Variants in SFI1 observed in about 807,000 individuals in gnomAD.
SFI1 encodes protein SFI1 homolog.
SFI1 carries 195 observed loss-of-function variants against 207.5 expected under a neutral mutation model. The ratio of observed to expected loss-of-function variants is 0.94; its 90% CI spans 0.84 to 1.06. SFI1 has a LOEUF of 1.06. SFI1 is among the 50% of genes least tolerant of loss of function. SFI1 has a pLI of 0.00. For missense variants in SFI1, 1,634 were observed against 1,588.0 expected, an observed-to-expected ratio of 1.03 and a Z score of -0.49; for synonymous variants, 630 against 598.9, an observed-to-expected ratio of 1.05 and a Z score of -0.76.
chr22:31,534,942 C>T (rs539273620), intron 4 of SFI1, among the ~76,000 whole-genome samples: 1 of 150,760 alleles, frequency 6.6e-6, no homozygotes, highest in African/African-American at 2.4e-5. Context: ...GCCATGATCT[C>T]AGCTCAGTGC....
rs1569272988 is a variant in SFI1 at position 31,546,840 on chromosome 22, AT to A, written c.339-20del. On this transcript the variant is annotated intron_variant, in intron 4 of 32. Transcript: ENST00000400288. ...AGCTCCAACATCATCATATATATAT[AT>A]GATTTTTTTTTTGCCGTAGATTTTA... 1 of 1,455,064 alleles carries A rather than the reference AT, an allele frequency of 6.9e-7. No homozygotes were observed. The highest frequency in any genetic ancestry group is 9.5e-7 in the Non-Finnish European group (1 of 1,048,888). 90.1% of individuals were successfully genotyped at this position (1,455,064 alleles called of 1,614,324 possible). A position where few individuals can be genotyped will look rare whatever the true frequency, so the allele number is the denominator to read the frequency against.
chr22:31,514,349 C>CA (rs979691651), intron 2 of SFI1, among the ~76,000 whole-genome samples: 13 of 148,550 alleles, frequency 8.8e-5, no homozygotes, highest in African/African-American at 2.2e-4. Context: ...ACTAAAAATA[C>CA]AAAAAAAAAT....
intron 2 of SFI1, among the ~76,000 whole-genome samples, chr22:31,524,457 C>CT (rs1322483818): frequency 6.6e-6 from 1 of 151,706 alleles, no homozygotes; most frequent in African/African-American, 2.4e-5. Flanking sequence ...GGGTCTCACT[C>CT]TGTCACCCAG....
chr22:31,528,960 T>A, intron 3 of SFI1, 97 bp downstream of exon 3: 1 of 1,213,318 alleles, frequency 8.2e-7, no homozygotes, highest in Non-Finnish European at 1.2e-6. Context: ...CCACCGCAAT[T>A]AGTGGGAGAT....
intron 15 of SFI1, among the ~76,000 whole-genome samples, chr22:31,601,912 C>T (rs2068161728): frequency 6.6e-6 from 1 of 151,570 alleles, no homozygotes; most frequent in African/African-American, 2.4e-5. Flanking sequence ...CCCACCTCAG[C>T]CTCCCAGGTA....
In SFI1 at chr22:31,546,554, T is replaced by C. The variant is rs372816764; in HGVS notation, c.339-307T>C. Among the ~76,000 whole-genome samples the C allele has an allele frequency of 1.1e-4, 16 of 152,038 alleles. 1 individual carries two copies. In the East Asian group the frequency reaches 2.1e-3, roughly 20 times the overall value. ...CCATGTTGGCCAGGATCTCTTGACC[T>C]TGTGATCCACCCGCCTTGGCCTCCC... On this transcript the variant is annotated intron_variant, in intron 4 of 32. Coordinates refer to ENST00000400288, the MANE Select transcript of SFI1 (RefSeq NM_001007467.3).
At chr22:31,584,206 G>T (rs1027724137) in intron 13 of SFI1, among the ~76,000 whole-genome samples, 1 of 152,168 alleles carries the variant, frequency 6.6e-6, no homozygotes, top group African/African-American at 2.4e-5. Context: ...TCTGAAGTAT[G>T]TGCCTGGTCG....
At chr22:31,538,312 T>G (rs2059183345) in intron 4 of SFI1, 1 of 151,498 alleles carries the variant, frequency 6.6e-6, no homozygotes, top group Non-Finnish European at 1.5e-5. Flanking sequence ...TATTTTTCTC[T>G]GGAGAATAAT....
chr22:31,613,794 G>A lies in SFI1; in HGVS notation c.2935G>A (p.Ala979Thr). 2 of 1,611,996 alleles carry A rather than the reference G, an allele frequency of 1.2e-6. No homozygotes were observed. Among genetic ancestry groups the A allele is most frequent in the Non-Finnish European group, 1.7e-6 (2 of 1,179,584 alleles). The change falls in exon 27 of 33, where the codon GCT becomes ACT. Residue 979 changes from alanine to threonine, a missense_variant. Coordinates refer to ENST00000400288, the MANE Select transcript of SFI1 (RefSeq NM_001007467.3). ...DGTLETKRPQ[A>T]SRPLGALGRL... ...CACCCTTGAGACCAAGAGGCCACAGGCTTCTCGGCCTCTGGGAGCTCTGGG... is the reference window on the plus strand; with the variant it reads ...CACCCTTGAGACCAAGAGGCCACAGACTTCTCGGCCTCTGGGAGCTCTGGG...
intron 1 of SFI1, among the ~76,000 whole-genome samples, chr22:31,498,303 A>AT (rs1430016343): frequency 2.7e-5 from 4 of 150,614 alleles, no homozygotes; most frequent in Admixed American, 6.6e-5. Context: ...ATATCAAAAA[A>AT]ATATATATAT....
chr22:31,556,882 A>G, intron 6 of SFI1, 60 bp from the exon 7 acceptor site: 1 of 1,175,072 alleles, frequency 8.5e-7, no homozygotes, highest in Non-Finnish European at 1.2e-6. Flanking sequence ...AGCTTTTATC[A>G]TAACCCAGAG....
rs1320204329 is a variant in SFI1, at chr22:31,550,284, G to C, written c.480G>C (p.Thr160=). The change falls in exon 6 of 33, where the codon ACG becomes ACC. Residue 160 remains threonine, a synonymous_variant. Transcript: ENST00000400288. ...RYYLYNLMFQ[T]WKTYVRQQQE... is the part of the protein sequence containing the mutation. ...ACCTGTACAACCTGATGTTCCAGAC[G>C]TGGAAGACCTATGTGCGTCAGCAGC... 1 of 1,614,104 alleles carries C rather than the reference G, an allele frequency of 6.2e-7. No individual in the cohort carries two copies. The highest frequency in any genetic ancestry group is 1.6e-4 in the Middle Eastern group (1 of 6,062).
At chr22:31,569,424 A>G (rs1204610138) in intron 8 of SFI1, among the ~76,000 whole-genome samples, 1 of 152,194 alleles carries the variant, frequency 6.6e-6, no homozygotes, top group Non-Finnish European at 1.5e-5. Flanking sequence ...CAAATCTCTC[A>G]GTTTATAGGA....
In SFI1 at chr22:31,518,231, G is replaced by T. The variant is rs944156992; in HGVS notation, c.92+9855G>T. Among the ~76,000 whole-genome samples the T allele has an allele frequency of 6.6e-5, 10 of 152,238 alleles. No individual in the cohort carries two copies. In the Middle Eastern group the frequency reaches 0.01, roughly 155 times the overall value. Reference sequence around the variant, plus strand: ...TCTTGAACTCCTGTCCTCAGTCAAGGTGATCTGCCCGCCTTGGCCTTCCAA... The same window carrying T: ...TCTTGAACTCCTGTCCTCAGTCAAGTTGATCTGCCCGCCTTGGCCTTCCAA... On this transcript the variant is annotated intron_variant, in intron 2 of 32. Transcript: ENST00000400288.
intron 15 of SFI1, among the ~76,000 whole-genome samples, chr22:31,591,661 C>A (rs1351856136): frequency 1.0e-5 from 1 of 96,986 alleles, no homozygotes; most frequent in Admixed American, 9.1e-5. Flanking sequence ...AACCCCCCAC[C>A]TCCCTCCCGG....
chr22:31,547,611 T>A (rs1186523249), intron 5 of SFI1, among the ~76,000 whole-genome samples: 1 of 146,300 alleles, frequency 6.8e-6, no homozygotes, highest in African/African-American at 2.6e-5. Context: ...GCGCCAGGCC[T>A]GTTTTTTTTG....
At chr22:31,584,049 G>A in intron 13 of SFI1, 77 bp downstream of exon 13, 6 of 1,190,386 alleles carry the variant, frequency 5.0e-6, no homozygotes, top group Non-Finnish European at 7.5e-6. Context: ...GTAATTGCTT[G>A]CCCTTCTATG....
Position 31,589,466 on chromosome 22 carries a change from A to G in SFI1, c.1433A>G (p.Asp478Gly). ...CTTTAGCTGCTACAGGCCAGAGCGG[A>G]TGGTCATTTCCAGCAGAGAGCCCTG... ...RYKQLLQARA[D>G]GHFQQRALPA... Residue 478 changes from aspartate (D) to glycine (G), a missense_variant, in exon 15 of 33, where the codon GAT becomes GGT. Asp to Gly is a moderately conservative substitution (Grantham distance 94). Transcript: ENST00000400288. 1 of 1,612,580 alleles carries G rather than the reference A, an allele frequency of 6.2e-7. No homozygotes were observed. The highest frequency in any genetic ancestry group is 8.5e-7 in the Non-Finnish European group (1 of 1,179,660).
chr22:31,551,871 G>A (rs1233891434), intron 6 of SFI1, among the ~76,000 whole-genome samples: 1 of 152,030 alleles, frequency 6.6e-6, no homozygotes, highest in Non-Finnish European at 1.5e-5. Flanking sequence ...TTTTTCTTTG[G>A]CCATACTAAT....
Sources: allele counts gnomAD v4.1 joint callset (sites outside exome capture counted in the v4.1 genomes callset), GRCh38; gene constraint gnomAD v4.1.1; transcripts MANE v1.5; gene names NCBI Gene and HGNC (gene_info 2026-07-23, HGNC 2026-07-21).